The following FSIP1 variants were observed in gnomAD, a reference collection of about 807,000 sequenced individuals.
The protein encoded by FSIP1 is fibrous sheath interacting protein 1.
FSIP1 carries 65 observed loss-of-function variants against 60.9 expected under a neutral mutation model. The observed-to-expected ratio is 1.07, with a 90% CI of 0.87 to 1.31. The LOEUF (loss-of-function observed/expected upper bound fraction) is 1.31. FSIP1 is among the 40% of genes most tolerant of loss of function. The pLI is 0.00. For missense variants in FSIP1, 675 were observed against 665.5 expected, an observed-to-expected ratio of 1.01 and a Z score of -0.16; for synonymous variants, 209 against 221.2, an observed-to-expected ratio of 0.94 and a Z score of 0.49.
chr15:39,710,454 A>C (rs1299042288), intron 10 of FSIP1, among the ~76,000 whole-genome samples: 4 of 152,000 alleles, frequency 2.6e-5, no homozygotes, highest in Non-Finnish European at 5.9e-5. Flanking sequence ...AAAAAAAAAA[A>C]AAAAAAACAT....
intron 10 of FSIP1, among the ~76,000 whole-genome samples, chr15:39,711,777 T>C (rs1356205363): frequency 7.2e-6 from 1 of 139,530 alleles, no homozygotes; most frequent in Non-Finnish European, 1.5e-5. Context: ...CTCTGCCTCC[T>C]GGGTTCAAGC....
At chr15:39,614,095 A>G (rs1340046765) in intron 11 of FSIP1, among the ~76,000 whole-genome samples, 1 of 152,190 alleles carries the variant, frequency 6.6e-6, no homozygotes, top group African/African-American at 2.4e-5. Flanking sequence ...CGCAAGAAAA[A>G]CAAATAAAAG....
rs143480815 is a variant in FSIP1 at position 39,722,216 on chromosome 15, T to C, written c.1050+4373A>G. Among the ~76,000 whole-genome samples the C allele has an allele frequency of 3.9e-4, 59 of 152,098 alleles. No individual in the cohort carries two copies. In the East Asian group the frequency reaches 0.011, roughly 29 times the overall value. ...TTGCATATTCCTTATGAGAATCTAA[T>C]ACCTGGTGATCTGTCACTGTCTCCC... On this transcript the variant is annotated intron_variant, in intron 9 of 11. Transcript: ENST00000350221.
chr15:39,711,746 G>A (rs543470782), intron 10 of FSIP1, among the ~76,000 whole-genome samples: 14 of 137,688 alleles, frequency 1.0e-4, no homozygotes, highest in African/African-American at 1.9e-4. Flanking sequence ...GTGCAGTGGC[G>A]CAATCTCGGC....
At chr15:39,662,966 A>G (rs986380921) in intron 10 of FSIP1, among the ~76,000 whole-genome samples, 5 of 152,078 alleles carry the variant, frequency 3.3e-5, no homozygotes, top group Admixed American at 6.6e-5. Flanking sequence ...ACTAGCAAAA[A>G]CCCAAAATGA....
intron 9 of FSIP1, among the ~76,000 whole-genome samples, chr15:39,718,989 T>A (rs1895853439): frequency 6.6e-6 from 1 of 152,230 alleles, no homozygotes; most frequent in African/African-American, 2.4e-5. Context: ...TAATAGCTTA[T>A]GAGTCTATAA....
intron 10 of FSIP1, among the ~76,000 whole-genome samples, chr15:39,628,553 T>C (rs1226119386): frequency 6.6e-6 from 1 of 152,202 alleles, no homozygotes; most frequent in Non-Finnish European, 1.5e-5. Flanking sequence ...CTTCACATCT[T>C]AGACGCATCT....
intron 10 of FSIP1, among the ~76,000 whole-genome samples, chr15:39,651,370 T>A (rs1328887524): frequency 6.6e-6 from 1 of 152,222 alleles, no homozygotes; most frequent in Non-Finnish European, 1.5e-5. Flanking sequence ...CAATGTTTAA[T>A]GCAAAATGAC....
At chr15:39,779,967 T>C (rs976286195) in intron 1 of FSIP1, among the ~76,000 whole-genome samples, 1 of 152,244 alleles carries the variant, frequency 6.6e-6, no homozygotes, top group Non-Finnish European at 1.5e-5. Context: ...TATTTATGTA[T>C]GGTCAGTTTT....
intron 11 of FSIP1, among the ~76,000 whole-genome samples, chr15:39,614,644 C>CAAA (rs35512322): frequency 7.3e-5 from 7 of 96,336 alleles, no homozygotes; most frequent in Admixed American, 2.3e-4. Context: ...GACTCCATCT[C>CAAA]AAAAAAAAAA....
chr15:39,752,398 G>C (rs755946188), intron 5 of FSIP1, among the ~76,000 whole-genome samples: 4 of 151,912 alleles, frequency 2.6e-5, no homozygotes, highest in Non-Finnish European at 5.9e-5. Context: ...AAAGGATGGG[G>C]AAATATGGTA....
intron 11 of FSIP1, among the ~76,000 whole-genome samples, chr15:39,608,483 T>A (rs1488302381): frequency 6.6e-6 from 1 of 152,200 alleles, no homozygotes; most frequent in Admixed American, 6.5e-5. Context: ...AATGATTGCA[T>A]CCAATTTTGT....
intron 4 of FSIP1, 39 bp from the exon 5 acceptor site, chr15:39,763,953 A>G: frequency 9.4e-7 from 1 of 1,061,746 alleles, no homozygotes; most frequent in Non-Finnish European, 1.5e-6. Context: ...ATGGGAAAAG[A>G]AGGCAACTAT....
At chr15:39,703,377 TATCATAACAC>T (rs1311636401) in intron 10 of FSIP1, among the ~76,000 whole-genome samples, 1 of 150,580 alleles carries the variant, frequency 6.6e-6, no homozygotes, top group Non-Finnish European at 1.5e-5. Flanking sequence ...TCATCTGCAT[TATCATAACAC>T]ATGTGAAAAA....
intron 9 of FSIP1, among the ~76,000 whole-genome samples, chr15:39,716,859 G>C (rs1895762230): frequency 7.9e-6 from 1 of 126,378 alleles, no homozygotes. Flanking sequence ...TCTGTTGCCA[G>C]GCTGGAGTGC....
intron 10 of FSIP1, among the ~76,000 whole-genome samples, chr15:39,658,369 C>T (rs1403361607): frequency 6.6e-6 from 1 of 151,100 alleles, no homozygotes; most frequent in Non-Finnish European, 1.5e-5. Context: ...TCTGCCTCAG[C>T]CTCCTGAGTA....
chr15:39,601,095 G>A (rs981843790), intron 11 of FSIP1, among the ~76,000 whole-genome samples, 169 bp from the exon 12 acceptor site: 2 of 152,054 alleles, frequency 1.3e-5, no homozygotes, highest in Admixed American at 6.6e-5. Flanking sequence ...CAAAGTTTAC[G>A]AGAAAAATAG....
intron 10 of FSIP1, among the ~76,000 whole-genome samples, chr15:39,701,557 T>G (rs2664129): frequency 0.63 from 96,095 of 152,028 alleles, 32,976 homozygotes; most frequent in South Asian, 0.75. Flanking sequence ...TAGATGTAAG[T>G]GCCAGGATCC....
At chr15:39,765,960 A>G (rs1465231073) in intron 3 of FSIP1, among the ~76,000 whole-genome samples, 1 of 152,194 alleles carries the variant, frequency 6.6e-6, no homozygotes, top group African/African-American at 2.4e-5. Context: ...ATTTATCTCT[A>G]TTTTACAGTT....
Sources: allele counts gnomAD v4.1 joint callset (sites outside exome capture counted in the v4.1 genomes callset), GRCh38; gene constraint gnomAD v4.1.1; transcripts MANE v1.5; gene names NCBI Gene and HGNC (gene_info 2026-07-23, HGNC 2026-07-21).